Variants in AAGAB observed in about 807,000 individuals in gnomAD.
AAGAB encodes alpha- and gamma-adaptin-binding protein p34.
Under a neutral mutation model 44.1 loss-of-function variants are expected in AAGAB, and 38 were observed. That is an observed-to-expected ratio of 0.86 (90% CI 0.67 to 1.13). AAGAB has a LOEUF of 1.13. Among genes scored for constraint, AAGAB ranks in the 50% most tolerant of loss-of-function variants. The pLI is 0.00. For synonymous variants in AAGAB, 131 were observed against 131.8 expected (o/e 0.99, Z 0.04); for missense variants, 450 against 373.8 (o/e 1.20, Z -1.68).
chr15:67,231,857 T>C lies in AAGAB; in HGVS notation c.492A>G (p.Gln164=), dbSNP rs1964343567. The C allele has an allele frequency of 6.2e-7, 1 of 1,612,748 alleles. No homozygotes were observed. Among genetic ancestry groups the C allele is most frequent in the Non-Finnish European group, 8.5e-7 (1 of 1,178,934 alleles). Residue 164 remains glutamine (Q), a synonymous_variant, in exon 5 of 10, where the codon CAA becomes CAG. Transcript: ENST00000261880. ...PESTGVKRIV[Q]ALNANVWSNV... ...TGGACCACACATTGGCATTCAGGGC[T>C]TGGACAATTCGCTTTACTCCTGTAG...
Position 67,236,828 on chromosome 15 carries a change from T to G in AAGAB, c.74-8A>C. 6.3e-7 allele frequency: 1 copy of G among 1,595,312 alleles called. No individual in the cohort carries two copies. Among genetic ancestry groups the G allele is most frequent in the East Asian group, 2.2e-5 (1 of 44,734 alleles). ...CTTCTGTTCCAAGGATATCTAAAAA[T>G]AAATGACAACATTACCATGTAAAGT... On this transcript the variant is annotated splice_region_variant and splice_polypyrimidine_tract_variant and intron_variant, in intron 1 of 9. Coordinates refer to ENST00000261880, the MANE Select transcript of AAGAB (RefSeq NM_024666.5).
At position 67,236,714 on chromosome 15, in the gene AAGAB, T is replaced by C. The variant is rs575828929; in HGVS notation, c.180A>G (p.Leu60=). The stretch of plus-strand genomic sequence containing the variant: ...CAAGAAATTTGTTTGGCACCACACA[T>C]AGATTGATGTCTGCTGAATAGTATT... ...DNKYYSADIN[L]CVVPNKFLVT... is the part of the protein sequence containing the mutation. Residue 60 remains leucine, a synonymous_variant, in exon 2 of 10, where the codon CTA becomes CTG. Coordinates refer to ENST00000261880, the MANE Select transcript of AAGAB (RefSeq NM_024666.5). 3.1e-6 allele frequency: 5 copies of C among 1,613,690 alleles called. No individual in the cohort carries two copies. Among genetic ancestry groups the C allele is most frequent in the South Asian group, 2.2e-5 (2 of 91,070 alleles).
chr15:67,235,187 T>G lies in AAGAB; in HGVS notation c.451+792A>C, dbSNP rs974037549. On this transcript the variant is annotated intron_variant, in intron 4 of 9. Transcript: ENST00000261880. ...TCTTCCCCATGGAGCAGCTGACATG[T>G]GAGAGGTCACAATGCCAACACGTTC... Among the ~76,000 whole-genome samples the G allele has an allele frequency of 5.8e-4, 89 of 152,310 alleles. 1 individual carries two copies. The highest frequency in any genetic ancestry group is 2.0e-3 in the African/African-American group (85 of 41,560).
chr15:67,254,927 G>C, upstream of AAGAB: 1 of 1,613,812 alleles, frequency 6.2e-7, no homozygotes, highest in African/African-American at 1.3e-5. Context: ...CCACGACCCT[G>C]TCGGATCCAT....
chr15:67,217,294 G>A (rs912475055), intron 5 of AAGAB, among the ~76,000 whole-genome samples: 1 of 152,070 alleles, frequency 6.6e-6, no homozygotes, highest in Admixed American at 6.5e-5. Flanking sequence ...AGGAAACTGG[G>A]GTCCAGAAAC....
At chr15:67,206,645 G>A (rs949497860) in intron 7 of AAGAB, among the ~76,000 whole-genome samples, 5 of 152,012 alleles carry the variant, frequency 3.3e-5, no homozygotes, top group South Asian at 4.1e-4. Context: ...TACTCTATGG[G>A]TTATAACCCA....
chr15:67,203,283 AAG>A (rs1397615660), intron 9 of AAGAB, among the ~76,000 whole-genome samples: 1 of 152,218 alleles, frequency 6.6e-6, no homozygotes, highest in African/African-American at 2.4e-5. Context: ...CAAAACAACT[AAG>A]AGTTTTCTGG....
intron 4 of AAGAB, among the ~76,000 whole-genome samples, chr15:67,233,201 A>G (rs1490415932): frequency 2.0e-5 from 3 of 152,240 alleles, no homozygotes; most frequent in Non-Finnish European, 4.4e-5. Context: ...ATCGATACCT[A>G]TAGAAGAACT....
chr15:67,245,023 A>G (rs909946230), intron 1 of AAGAB, among the ~76,000 whole-genome samples: 1 of 152,202 alleles, frequency 6.6e-6, no homozygotes, highest in African/African-American at 2.4e-5. Context: ...GTTATTGTCC[A>G]AAGATACGGA....
chr15:67,202,644 A>C lies in AAGAB; in HGVS notation c.*177T>G, dbSNP rs562130850. 8.2e-6 allele frequency: 5 copies of C among 607,222 alleles called. No individual in the cohort carries two copies. Among genetic ancestry groups the C allele is most frequent in the Admixed American group, 2.9e-5 (1 of 34,266 alleles). 37.6% of individuals were successfully genotyped at this position (607,222 alleles called of 1,614,324 possible). ...TTCCTCACTCTCTTACAATATACTG[A>C]GGAAAAAAAAGATTTCTCCTTAACC... On this transcript the variant is annotated 3_prime_UTR_variant, in exon 10 of 10. Coordinates refer to ENST00000261880, the MANE Select transcript of AAGAB (RefSeq NM_024666.5).
intron 7 of AAGAB, 139 bp from the exon 8 acceptor site, chr15:67,204,287 C>T (rs1963637334): frequency 3.6e-6 from 2 of 552,086 alleles, no homozygotes; most frequent in Admixed American, 3.6e-5. Flanking sequence ...CAGCTCATGG[C>T]TCACCCTGCT....
At chr15:67,213,247 G>A (rs114877444) in intron 5 of AAGAB, among the ~76,000 whole-genome samples, 3,546 of 152,176 alleles carry the variant, frequency 0.023, 64 homozygotes, top group South Asian at 0.043. Context: ...AAAATCTGGC[G>A]GTGCTGGTCA....
intron 1 of AAGAB, among the ~76,000 whole-genome samples, chr15:67,244,705 G>A (rs1416496327): frequency 6.6e-6 from 1 of 152,022 alleles, no homozygotes; most frequent in African/African-American, 2.4e-5. Context: ...TTGGGAGGCT[G>A]AGGCACAAGA....
intron 1 of AAGAB, among the ~76,000 whole-genome samples, chr15:67,242,354 T>C (rs1002518418): frequency 6.1e-5 from 6 of 98,900 alleles, no homozygotes; most frequent in Admixed American, 1.4e-4. Flanking sequence ...ACCCGGGAAG[T>C]GGAGCTTGCA....
chr15:67,238,220 A>G (rs1156435983), intron 1 of AAGAB, among the ~76,000 whole-genome samples: 1 of 152,200 alleles, frequency 6.6e-6, no homozygotes, highest in Non-Finnish European at 1.5e-5. Context: ...TTACTCTTAA[A>G]TTAACAGAAG....
At chr15:67,215,323 A>T (rs944559202) in intron 5 of AAGAB, among the ~76,000 whole-genome samples, 2 of 152,228 alleles carry the variant, frequency 1.3e-5, no homozygotes, top group African/African-American at 4.8e-5. Flanking sequence ...TGTCTAATAG[A>T]ACTGTCAGGC....
At chr15:67,212,232 G>A (rs932096194) in intron 5 of AAGAB, among the ~76,000 whole-genome samples, 9 of 152,112 alleles carry the variant, frequency 5.9e-5, no homozygotes, top group African/African-American at 2.2e-4. Flanking sequence ...TGGGAGGGAC[G>A]GGAGTTAGGA....
intron 1 of AAGAB, among the ~76,000 whole-genome samples, chr15:67,240,278 G>GT (rs369013895): frequency 1.3e-5 from 2 of 151,970 alleles, no homozygotes; most frequent in African/African-American, 2.4e-5. Flanking sequence ...TTGTTTTTTT[G>GT]TTTTTTGCCA....
chr15:67,245,737 G>C (rs1461276687), intron 1 of AAGAB, among the ~76,000 whole-genome samples: 11 of 152,156 alleles, frequency 7.2e-5, no homozygotes, highest in Non-Finnish European at 1.5e-4. Flanking sequence ...TGGCACATGT[G>C]AACAAATCTG....
Sources: allele counts gnomAD v4.1 joint callset (sites outside exome capture counted in the v4.1 genomes callset), GRCh38; gene constraint gnomAD v4.1.1; transcripts MANE v1.5; gene names NCBI Gene and HGNC (gene_info 2026-07-23, HGNC 2026-07-21).